Variants in NFILZ observed in about 807,000 individuals in gnomAD.
NFILZ encodes NFIL3 like basic leucine zipper, also known as NFIL3 like protein.
chr19:8,666,563 A>G (rs1242494957), intron 3 of NFILZ, among the ~76,000 whole-genome samples: 3 of 152,044 alleles, frequency 2.0e-5, no homozygotes, highest in African/African-American at 4.8e-5. Context: ...AACCCCTTTT[A>G]TAGATGAGGA....
rs2146146460 is a variant in NFILZ, at chr19:8,650,104, G to C, written c.-164+14358G>C. Among the ~76,000 whole-genome samples the C allele has an allele frequency of 2.0e-5, 3 of 150,022 alleles. No individual in the cohort carries two copies. The East Asian group carries it at 5.9e-4, about 29-fold the overall frequency. On this transcript the variant is annotated intron_variant, in intron 3 of 5. Transcript: ENST00000691075. ...CACTCCAGCCTGGCCAGCTGAGCAA[G>C]ACTCCGTCTGAAAAAAAAAAAATTG...
chr19:8,663,139 T>C (rs915647146), intron 3 of NFILZ, among the ~76,000 whole-genome samples: 5 of 151,632 alleles, frequency 3.3e-5, no homozygotes, highest in Non-Finnish European at 5.9e-5. Flanking sequence ...TTTTGCTTTT[T>C]TAAGAGATGG....
At chr19:8,665,264 G>C (rs192179041) in intron 3 of NFILZ, among the ~76,000 whole-genome samples, 1 of 152,198 alleles carries the variant, frequency 6.6e-6, no homozygotes, top group Non-Finnish European at 1.5e-5. Context: ...ATATGATTTG[G>C]CTTAGGGAAG....
At chr19:8,674,643 G>A (rs782683449) in intron 4 of NFILZ, among the ~76,000 whole-genome samples, 43 bp downstream of exon 4, 2 of 151,876 alleles carry the variant, frequency 1.3e-5, no homozygotes, top group Non-Finnish European at 2.9e-5. Flanking sequence ...TTTTTCTGAG[G>A]GCGCGTCATC....
chr19:8,659,931 C>T (rs1041229167), intron 3 of NFILZ, among the ~76,000 whole-genome samples: 10 of 152,090 alleles, frequency 6.6e-5, no homozygotes, highest in African/African-American at 2.2e-4. Flanking sequence ...CTCCAAGGGC[C>T]GGAAGACACT....
intron 3 of NFILZ, among the ~76,000 whole-genome samples, chr19:8,649,168 G>A (rs1166044965): frequency 6.6e-6 from 1 of 151,648 alleles, no homozygotes; most frequent in African/African-American, 2.4e-5. Context: ...GTCTTGCCAC[G>A]TTGCCCAGGC....
chr19:8,654,388 C>T (rs112721741), intron 3 of NFILZ, among the ~76,000 whole-genome samples: 7 of 150,566 alleles, frequency 4.6e-5, no homozygotes, highest in Admixed American at 4.6e-4. Flanking sequence ...GAAGCCAAGG[C>T]GGGAGGATTG....
At chr19:8,660,524 C>T (rs1326793828) in intron 3 of NFILZ, among the ~76,000 whole-genome samples, 1 of 151,722 alleles carries the variant, frequency 6.6e-6, no homozygotes, top group Non-Finnish European at 1.5e-5. Flanking sequence ...GTATACATAT[C>T]ACATTTCCTT....
At chr19:8,656,645 C>T (rs954725662) in intron 3 of NFILZ, among the ~76,000 whole-genome samples, 1 of 152,202 alleles carries the variant, frequency 6.6e-6, no homozygotes, top group Admixed American at 6.5e-5. Context: ...CACAGCACAG[C>T]TGCCGCCGCC....
intron 3 of NFILZ, among the ~76,000 whole-genome samples, chr19:8,661,103 CT>C (rs1568422759): frequency 2.5e-5 from 1 of 40,410 alleles, no homozygotes; most frequent in Admixed American, 2.6e-4. Flanking sequence ...TCCCTTCCTC[CT>C]TCCTTCCTTC....
At chr19:8,668,624 G>A (rs2043073327) in intron 3 of NFILZ, among the ~76,000 whole-genome samples, 1 of 152,028 alleles carries the variant, frequency 6.6e-6, no homozygotes, top group East Asian at 1.9e-4. Flanking sequence ...TCTTCTTTAG[G>A]TTATTTCTCC....
At chr19:8,656,444 T>TGAAG in intron 3 of NFILZ, among the ~76,000 whole-genome samples, 1 of 40,302 alleles carries the variant, frequency 2.5e-5, no homozygotes, top group East Asian at 1.1e-3. Context: ...CACCTTCTCC[T>TGAAG]CGAAGCCCAC....
chr19:8,633,885 T>TCCTC, intron 2 of NFILZ, among the ~76,000 whole-genome samples: 1 of 70,596 alleles, frequency 1.4e-5, no homozygotes, highest in Non-Finnish European at 2.9e-5. Flanking sequence ...CTCCCTTCCT[T>TCCTC]CCTTCCTTCC....
At chr19:8,643,270 TATGTTTTCAC>T (rs567663113) in intron 3 of NFILZ, among the ~76,000 whole-genome samples, 22 of 152,352 alleles carry the variant, frequency 1.4e-4, no homozygotes, top group Admixed American at 3.3e-4. Flanking sequence ...ACTCTAAAGA[TATGTTTTCAC>T]ATGTTTTCAC....
At chr19:8,655,072 C>T (rs781907254) in intron 3 of NFILZ, among the ~76,000 whole-genome samples, 1 of 152,208 alleles carries the variant, frequency 6.6e-6, no homozygotes, top group Non-Finnish European at 1.5e-5. Context: ...CTTAGCTCCA[C>T]TTCTTCCTGG....
At chr19:8,654,723 C>T (rs961682471) in intron 3 of NFILZ, among the ~76,000 whole-genome samples, 3 of 152,170 alleles carry the variant, frequency 2.0e-5, no homozygotes, top group Non-Finnish European at 2.9e-5. Context: ...CAGTTCCATA[C>T]AGCGCCCACC....
intron 3 of NFILZ, among the ~76,000 whole-genome samples, chr19:8,639,946 A>G (rs1462193333): frequency 1.3e-5 from 2 of 152,142 alleles, no homozygotes; most frequent in African/African-American, 4.8e-5. Context: ...TGGGGTTGCC[A>G]TGTTTTGGCT....
At position 8,677,342 on chromosome 19, in the gene NFILZ, G is replaced by A. The variant is rs1360162524; in HGVS notation, c.577G>A (p.Ala193Thr). Residue 193 changes from alanine to threonine, a missense_variant, in exon 6 of 6, where the codon GCC becomes ACC. Coordinates refer to ENST00000691075, the MANE Select transcript of NFILZ (RefSeq NM_001378600.1). ...GGCCTTGCAGACTGCCCTCCCACCTGCCCTCTTCAGCTGTCACCTCTTGGA... is the reference window on the plus strand; with the variant it reads ...GGCCTTGCAGACTGCCCTCCCACCTACCCTCTTCAGCTGTCACCTCTTGGA... ...DMALQTALPPALFSCHLLEGH... is the reference protein window; with the variant it reads ...DMALQTALPPTLFSCHLLEGH... Among the ~76,000 whole-genome samples the A allele has an allele frequency of 3.9e-5, 6 of 152,182 alleles. No homozygotes were observed. Among genetic ancestry groups the A allele is most frequent in the Non-Finnish European group, 8.8e-5 (6 of 68,026 alleles).
At chr19:8,647,795 GCACACACACACACACACACA>G (rs879996864) in intron 3 of NFILZ, among the ~76,000 whole-genome samples, 2 of 76,302 alleles carry the variant, frequency 2.6e-5, no homozygotes, top group African/African-American at 1.1e-4. Flanking sequence ...GCGCGCGCGC[GCACACACACACACACACACA>G]CACACACACA....
Sources: allele counts gnomAD v4.1 joint callset (sites outside exome capture counted in the v4.1 genomes callset), GRCh38; gene constraint gnomAD v4.1.1; transcripts MANE v1.5; gene names NCBI Gene and HGNC (gene_info 2026-07-23, HGNC 2026-07-21).